IGSF11: variants seen among roughly 807,000 people sequenced by gnomAD.
The protein encoded by IGSF11 is CXADR like 1.
IGSF11 carries 22 observed loss-of-function variants against 41.0 expected under a neutral mutation model. That is an observed-to-expected ratio of 0.54 (90% CI 0.38 to 0.77). The LOEUF is 0.77. IGSF11 is among the 30% of genes least tolerant of loss of function. IGSF11 has a pLI of 0.00. For synonymous variants in IGSF11, 219 were observed against 201.3 expected, an observed-to-expected ratio of 1.09 and a Z score of -0.74; for missense variants, 444 against 530.8, an observed-to-expected ratio of 0.84 and a Z score of 1.61.
chr3:118,902,473 G>A lies in IGSF11; in HGVS notation c.*47C>T, dbSNP rs1049137197. 2 of 415,628 alleles carry A rather than the reference G, an allele frequency of 4.8e-6. No homozygotes were observed. Among genetic ancestry groups the A allele is most frequent in the Non-Finnish European group, 9.7e-6 (2 of 206,290 alleles). The allele number at this position is 415,628 out of a possible 1,614,324, so 25.7% of individuals were successfully genotyped here. Reference sequence around the variant, plus strand: ...CCCCACCCCACCCTCCCCCTTGTATGAGGGCATTCCATTTATTCATTTCTG... The same window carrying A: ...CCCCACCCCACCCTCCCCCTTGTATAAGGGCATTCCATTTATTCATTTCTG... On this transcript the variant is annotated 3_prime_UTR_variant, in exon 7 of 7. Transcript: ENST00000393775.
At chr3:118,980,965 T>C (rs1934654152) in intron 1 of IGSF11, among the ~76,000 whole-genome samples, 1 of 152,192 alleles carries the variant, frequency 6.6e-6, no homozygotes, top group Non-Finnish European at 1.5e-5. Flanking sequence ...AAAACTCATT[T>C]CCCAGGAATC....
upstream of IGSF11, among the ~76,000 whole-genome samples, chr3:119,109,909 T>C (rs1326137458): frequency 2.0e-5 from 3 of 152,266 alleles, no homozygotes; most frequent in South Asian, 6.2e-4. Context: ...TTTGAGTGAG[T>C]TTCTTAATCC....
At chr3:119,009,907 C>G (rs1460038222) in intron 1 of IGSF11, among the ~76,000 whole-genome samples, 1 of 152,008 alleles carries the variant, frequency 6.6e-6, no homozygotes, top group Non-Finnish European at 1.5e-5. Flanking sequence ...TTATACTATA[C>G]CTAGATTACA....
chr3:119,028,022 AG>A (rs574762098), intron 1 of IGSF11, among the ~76,000 whole-genome samples: 171 of 152,248 alleles, frequency 1.1e-3, no homozygotes, highest in African/African-American at 3.9e-3. Flanking sequence ...GACCCATGGG[AG>A]CTAACAGAAG....
At chr3:119,080,168 ATG>A (rs1340210490) in intron 1 of IGSF11, among the ~76,000 whole-genome samples, 13 of 152,228 alleles carry the variant, frequency 8.5e-5, no homozygotes, top group African/African-American at 3.1e-4. Flanking sequence ...AATTTTACAT[ATG>A]ACTCTCTAAA....
At chr3:119,049,266 A>C (rs1213473034) in intron 1 of IGSF11, among the ~76,000 whole-genome samples, 2 of 151,330 alleles carry the variant, frequency 1.3e-5, no homozygotes, top group Non-Finnish European at 3.0e-5. Context: ...CTCAGCCCAA[A>C]ATCTCCTTAA....
chr3:119,046,202 C>T (rs879820081), intron 1 of IGSF11, among the ~76,000 whole-genome samples: 61 of 148,350 alleles, frequency 4.1e-4, no homozygotes, highest in Non-Finnish European at 8.1e-4. Context: ...CTCTGAGCTA[C>T]GGGAGGACAT....
At chr3:119,110,730 A>G (rs12630227) in intron 1 of IGSF11, among the ~76,000 whole-genome samples, 10,509 of 151,938 alleles carry the variant, frequency 0.069, 695 homozygotes, top group South Asian at 0.18. Context: ...GGCTGGTACC[A>G]GTTGTTCCTT....
rs546348979 is a variant in IGSF11 at position 118,982,377 on chromosome 3, C to G, written c.53-52102G>C. ...CTCAAAAACTTAATTGGAACTCTTA[C>G]GTTTTCTCCTCCATACCCTTTGATA... On this transcript the variant is annotated intron_variant, in intron 1 of 6. Coordinates refer to ENST00000393775, the MANE Select transcript of IGSF11 (RefSeq NM_001015887.3). 7.2e-5 allele frequency among the ~76,000 whole-genome samples: 11 copies of G among 152,258 alleles called. No individual in the cohort carries two copies. The East Asian group carries it at 2.1e-3, about 29-fold the overall frequency.
At chr3:118,980,285 A>G (rs1215887923) in intron 1 of IGSF11, among the ~76,000 whole-genome samples, 1 of 152,220 alleles carries the variant, frequency 6.6e-6, no homozygotes, top group Non-Finnish European at 1.5e-5. Context: ...AGCGTACATC[A>G]ACAGATGATG....
chr3:119,076,958 G>A (rs1454502157), intron 1 of IGSF11, among the ~76,000 whole-genome samples: 3 of 152,082 alleles, frequency 2.0e-5, no homozygotes, highest in Admixed American at 6.6e-5. Flanking sequence ...TGCTATAAAG[G>A]CACATGCACA....
At chr3:118,908,910 G>GT (rs1939930150) in intron 4 of IGSF11, among the ~76,000 whole-genome samples, 1 of 152,176 alleles carries the variant, frequency 6.6e-6, no homozygotes, top group Non-Finnish European at 1.5e-5. Context: ...ATGGTCTTGA[G>GT]TGTGTTCCCT....
intron 1 of IGSF11, among the ~76,000 whole-genome samples, chr3:119,010,433 G>A (rs1293160851): frequency 1.3e-5 from 2 of 152,232 alleles, no homozygotes; most frequent in Non-Finnish European, 2.9e-5. Context: ...TTATTTCTGG[G>A]TGTATCTCTG....
At chr3:118,966,140 T>C (rs1367470457) in intron 1 of IGSF11, among the ~76,000 whole-genome samples, 1 of 152,178 alleles carries the variant, frequency 6.6e-6, no homozygotes. Context: ...GCTAGGATTG[T>C]CTTCCCCAGC....
At chr3:118,994,630 C>A (rs1936095320) in intron 1 of IGSF11, among the ~76,000 whole-genome samples, 1 of 152,132 alleles carries the variant, frequency 6.6e-6, no homozygotes. Flanking sequence ...TGCACTCCAG[C>A]CTAGACCTTG....
intron 1 of IGSF11, among the ~76,000 whole-genome samples, chr3:119,022,359 C>T (rs780817192): frequency 6.6e-6 from 1 of 152,088 alleles, no homozygotes. Flanking sequence ...GATAGCTGCA[C>T]AACACTGTGA....
intron 1 of IGSF11, among the ~76,000 whole-genome samples, chr3:119,015,118 T>A (rs1227334035): frequency 6.6e-6 from 1 of 152,190 alleles, no homozygotes; most frequent in East Asian, 1.9e-4. Flanking sequence ...ACATCACATG[T>A]AATTGTTGAT....
At chr3:119,134,447 G>C (rs1467600267) in intron 1 of IGSF11, among the ~76,000 whole-genome samples, 1 of 152,116 alleles carries the variant, frequency 6.6e-6, no homozygotes, top group Non-Finnish European at 1.5e-5. Flanking sequence ...CAAATCATGA[G>C]TGAACTCCCA....
At chr3:118,999,326 C>T (rs1936578638) in intron 1 of IGSF11, among the ~76,000 whole-genome samples, 1 of 152,046 alleles carries the variant, frequency 6.6e-6, no homozygotes, top group African/African-American at 2.4e-5. Context: ...CTTTCGAAAA[C>T]ATATTGCTCA....
Sources: allele counts gnomAD v4.1 joint callset (sites outside exome capture counted in the v4.1 genomes callset), GRCh38; gene constraint gnomAD v4.1.1; transcripts MANE v1.5; gene names NCBI Gene and HGNC (gene_info 2026-07-23, HGNC 2026-07-21).